The following RWDD2B variants were observed in gnomAD, a reference collection of about 807,000 sequenced individuals.
RWDD2B encodes the protein RWD domain containing 2B.
RWDD2B carries 36 observed loss-of-function variants against 33.6 expected under a neutral mutation model. The observed-to-expected ratio is 1.07, with a 90% CI of 0.82 to 1.42. The LOEUF is 1.42. Ranked by LOEUF, RWDD2B falls within the 40% of genes most tolerant of loss-of-function variation. The pLI, the probability that RWDD2B is intolerant of heterozygous loss-of-function variation, is 0.00. For synonymous variants in RWDD2B, 126 were observed against 133.1 expected, an observed-to-expected ratio of 0.95 and a Z score of 0.37; for missense variants, 364 against 377.5, an observed-to-expected ratio of 0.96 and a Z score of 0.30.
intron 1 of RWDD2B, among the ~76,000 whole-genome samples, chr21:29,017,545 G>A (rs925521082): frequency 1.3e-5 from 2 of 152,006 alleles, no homozygotes; most frequent in East Asian, 3.9e-4. Context: ...TGGGGAGGCG[G>A]AGGTTGCAGT....
intron 1 of RWDD2B, among the ~76,000 whole-genome samples, chr21:29,014,506 T>C (rs2084880048): frequency 6.6e-6 from 1 of 152,138 alleles, no homozygotes; most frequent in Non-Finnish European, 1.5e-5. Flanking sequence ...GCAGAGACCA[T>C]CTCAGTCTTA....
At position 29,019,336 on chromosome 21, in the gene RWDD2B, C is replaced by A; in HGVS notation, c.-59G>T. The A allele has an allele frequency of 1.6e-6, 2 of 1,272,620 alleles. No homozygotes were observed. The highest frequency in any genetic ancestry group is 1.1e-6 in the Non-Finnish European group (1 of 922,568). The allele number at this position is 1,272,620 out of a possible 1,614,324, so 78.8% of individuals were successfully genotyped here. On this transcript the variant is annotated 5_prime_UTR_variant, in exon 1 of 5. Coordinates refer to ENST00000493196, the MANE Select transcript of RWDD2B (RefSeq NM_016940.3). ...ACCCAAAACTTACAAACCGCCTCAG[C>A]TGGCGACCTACCGGAAAAAAAAAAA...
chr21:29,009,244 C>T (rs1327685373), intron 1 of RWDD2B, among the ~76,000 whole-genome samples: 2 of 152,086 alleles, frequency 1.3e-5, no homozygotes, highest in Non-Finnish European at 2.9e-5. Flanking sequence ...TGCACTGCCA[C>T]GCCCGGCTTC....
intron 1 of RWDD2B, among the ~76,000 whole-genome samples, chr21:29,015,224 G>GTTTTTTTTTTTTTTTTTT (rs71189334): frequency 1.5e-5 from 1 of 64,812 alleles, no homozygotes; most frequent in Non-Finnish European, 2.6e-5. Context: ...ATTATGATGC[G>GTTTTTTTTTTTTTTTTTT]TTTTTTTTTT....
intron 1 of RWDD2B, among the ~76,000 whole-genome samples, chr21:29,014,438 C>CT (rs1261645920): frequency 5.9e-5 from 9 of 152,224 alleles, no homozygotes; most frequent in African/African-American, 1.7e-4. Context: ...CCACTCAACT[C>CT]TATTGCTTTG....
chr21:29,008,043 T>A lies in RWDD2B; in HGVS notation c.443A>T (p.Asp148Val). Residue 148 changes from aspartate (D) to valine (V), a missense_variant, in exon 4 of 5, where the codon GAT becomes GTT. By Grantham distance (152) the Asp-to-Val change is radical. Coordinates refer to ENST00000493196, the MANE Select transcript of RWDD2B (RefSeq NM_016940.3). ...TAFLQKHCHG[D>V]VCILNATEWV... is the part of the protein sequence containing the mutation. ...CTCTGTGGCATTCAGTATACAAACA[T>A]CTCCATGACAATGTTTTTGCAGGAA... is the stretch of plus-strand genomic sequence containing the variant. The A allele has an allele frequency of 6.2e-7, 1 of 1,614,224 alleles. No individual in the cohort carries two copies. The highest frequency in any genetic ancestry group is 1.7e-5 in the Admixed American group (1 of 60,028).
At chr21:29,007,615 C>T in intron 4 of RWDD2B, 146 bp downstream of exon 4, 1 of 776,404 alleles carries the variant, frequency 1.3e-6, no homozygotes, top group South Asian at 1.9e-5. Flanking sequence ...TATCAGGTTT[C>T]TATATGTGCT....
chr21:29,012,207 GC>G (rs2084867282), intron 1 of RWDD2B, among the ~76,000 whole-genome samples: 2 of 149,740 alleles, frequency 1.3e-5, no homozygotes. Flanking sequence ...GGGCGCCTCT[GC>G]CCGGCCGCCC....
chr21:29,006,247 A>T lies in RWDD2B; in HGVS notation c.*170T>A. ...TAATTTGAAACTCAGTTCTGCTTTC[A>T]ATCATGACATTTTTAACAGATGCAT... On this transcript the variant is annotated 3_prime_UTR_variant, in exon 5 of 5. Coordinates refer to ENST00000493196, the MANE Select transcript of RWDD2B (RefSeq NM_016940.3). 2.0e-6 allele frequency: 1 copy of T among 497,866 alleles called. No individual in the cohort carries two copies. The highest frequency in any genetic ancestry group is 3.6e-6 in the Non-Finnish European group (1 of 280,388). 30.8% of individuals were successfully genotyped at this position (497,866 alleles called of 1,614,324 possible).
rs1483962339 is a variant in RWDD2B, at chr21:29,006,598, G to A, written c.779C>T (p.Pro260Leu). The A allele has an allele frequency of 6.2e-7, 1 of 1,613,178 alleles. No homozygotes were observed. The highest frequency in any genetic ancestry group is 8.5e-7 in the Non-Finnish European group (1 of 1,179,698). ...RILIRHREDI[P>L]FDGTNDETER... is the part of the protein sequence containing the mutation. The stretch of plus-strand genomic sequence containing the variant: ...CGTTTCATCATTTGTACCATCAAAA[G>A]GAATGTCTTCTCGATGGCGAATTAA... Residue 260 changes from proline to leucine, a missense_variant, in exon 5 of 5, where the codon CCT (proline) becomes CTT (leucine). Coordinates refer to ENST00000493196, the MANE Select transcript of RWDD2B (RefSeq NM_016940.3).
At chr21:29,007,059 C>A (rs2084832102) in intron 4 of RWDD2B, among the ~76,000 whole-genome samples, 1 of 152,226 alleles carries the variant, frequency 6.6e-6, no homozygotes, top group South Asian at 2.1e-4. Flanking sequence ...TCCCAAACTA[C>A]TATGGACCTT....
In RWDD2B at chr21:29,007,802, A is replaced by C; in HGVS notation, c.684T>G (p.Cys228Trp). The stretch of plus-strand genomic sequence containing the variant: ...CACAGGCACTTTGTGGGCCTTCCAC[A>C]CAAACAACACCAGGTTTTCCAGGCA... Reference protein sequence around the residue: ...FSMPGKPGVVCVEGPQSACEE... With the variant: ...FSMPGKPGVVWVEGPQSACEE... The change falls in exon 4 of 5, where the codon TGT becomes TGG. Residue 228 changes from cysteine (C) to tryptophan (W), a missense_variant. Coordinates refer to ENST00000493196, the MANE Select transcript of RWDD2B (RefSeq NM_016940.3). The C allele has an allele frequency of 6.2e-7, 1 of 1,614,198 alleles. No homozygotes were observed. Among genetic ancestry groups the C allele is most frequent in the East Asian group, 2.2e-5 (1 of 44,886 alleles).
At chr21:29,013,665 G>A (rs370631909) in intron 1 of RWDD2B, among the ~76,000 whole-genome samples, 2 of 150,222 alleles carry the variant, frequency 1.3e-5, no homozygotes, top group South Asian at 2.1e-4. Context: ...CTCCAGCCTG[G>A]GCGACAGAGT....
intron 1 of RWDD2B, among the ~76,000 whole-genome samples, chr21:29,012,719 C>T: frequency 6.6e-6 from 1 of 152,024 alleles, no homozygotes; most frequent in Non-Finnish European, 1.5e-5. Context: ...CACTATTGTC[C>T]TGTGACCATG....
chr21:29,014,429 C>T (rs1409241868), intron 1 of RWDD2B, among the ~76,000 whole-genome samples: 7 of 152,162 alleles, frequency 4.6e-5, no homozygotes, highest in African/African-American at 9.7e-5. Flanking sequence ...AAGGTCCCAC[C>T]ACTCAACTCT....
Position 29,012,258 on chromosome 21 carries a change from C to T in RWDD2B, c.68-3637G>A, listed in dbSNP as rs1479447803. On this transcript the variant is annotated intron_variant, in intron 1 of 4. Coordinates refer to ENST00000493196, the MANE Select transcript of RWDD2B (RefSeq NM_016940.3). ...GGAGCCCCTCTGCCCGGCCACCACC[C>T]GGTCTGGGTGGTGTACCCAACAGCT... 6.6e-5 allele frequency among the ~76,000 whole-genome samples: 10 copies of T among 152,246 alleles called. No homozygotes were observed. The East Asian group carries it at 7.7e-4, about 12-fold the overall frequency.
intron 1 of RWDD2B, among the ~76,000 whole-genome samples, chr21:29,011,930 G>A (rs1197109223): frequency 2.4e-5 from 3 of 125,026 alleles, no homozygotes; most frequent in Non-Finnish European, 5.0e-5. Context: ...CGCCCCATCC[G>A]GGAGGGAGGT....
intron 1 of RWDD2B, among the ~76,000 whole-genome samples, 183 bp downstream of exon 1, chr21:29,019,028 C>T (rs1277950948): frequency 6.6e-6 from 1 of 152,136 alleles, no homozygotes; most frequent in African/African-American, 2.4e-5. Context: ...GCGAGGTCCC[C>T]GGCTGGAGCA....
chr21:29,015,228 T>TG (rs1167211916), intron 1 of RWDD2B, among the ~76,000 whole-genome samples: 1 of 137,928 alleles, frequency 7.3e-6, no homozygotes, highest in East Asian at 2.0e-4. Context: ...TGATGCGTTT[T>TG]TTTTTTTTTT....
Sources: gnomAD v4.1 joint callset for allele counts (sites outside exome capture counted in the v4.1 genomes callset) on GRCh38, gnomAD v4.1.1 for gene constraint, MANE v1.5 for transcripts, NCBI Gene and HGNC (gene_info 2026-07-23, HGNC 2026-07-21) for gene names.